MAN1A1: variants seen among roughly 807,000 people sequenced by gnomAD.
MAN1A1 encodes the protein mannosyl-oligosaccharide 1,2-alpha-mannosidase IA.
A neutral mutation model predicts 70.8 loss-of-function variants in MAN1A1; 29 were observed. The ratio of observed to expected loss-of-function variants is 0.41; its 90% CI spans 0.31 to 0.56. The LOEUF is 0.56. MAN1A1 is among the 20% of genes least tolerant of loss of function. The pLI is 0.29. For missense variants in MAN1A1, 747 were observed against 841.3 expected (o/e 0.89, Z 1.39); for synonymous variants, 349 against 330.1 (o/e 1.06, Z -0.62).
At chr6:119,239,292 AC>A (rs1473372120) in intron 6 of MAN1A1, among the ~76,000 whole-genome samples, 2 of 152,260 alleles carry the variant, frequency 1.3e-5, no homozygotes, top group Non-Finnish European at 2.9e-5. Flanking sequence ...GCCTGTACTT[AC>A]GCGCAGCTGC....
At chr6:119,240,602 G>C (rs1026379731) in intron 6 of MAN1A1, among the ~76,000 whole-genome samples, 1 of 152,172 alleles carries the variant, frequency 6.6e-6, no homozygotes, top group Admixed American at 6.5e-5. Flanking sequence ...ATTATGACCA[G>C]AGAAGTGGGA....
intron 6 of MAN1A1, 150 bp from the exon 7 acceptor site, chr6:119,205,032 T>C: frequency 2.6e-6 from 2 of 767,682 alleles, no homozygotes; most frequent in South Asian, 2.4e-5. Flanking sequence ...ACTGTCTTCT[T>C]TGGCTACCAG....
intron 6 of MAN1A1, among the ~76,000 whole-genome samples, chr6:119,243,323 AAATAT>A (rs1432717357): frequency 5.3e-5 from 8 of 152,166 alleles, no homozygotes; most frequent in African/African-American, 1.4e-4. Flanking sequence ...CTTCATTTGA[AAATAT>A]AATATACTTC....
chr6:119,324,412 G>C (rs77480391), intron 2 of MAN1A1, among the ~76,000 whole-genome samples: 1 of 150,148 alleles, frequency 6.7e-6, no homozygotes, highest in African/African-American at 2.5e-5. Flanking sequence ...AGTTAAGTTT[G>C]GGGGGGAATC....
chr6:119,268,000 T>C (rs1775806457), intron 5 of MAN1A1, among the ~76,000 whole-genome samples: 1 of 152,180 alleles, frequency 6.6e-6, no homozygotes. Context: ...ATGTGGAGAC[T>C]TGATGCCTTT....
intron 1 of MAN1A1, 24 bp downstream of exon 1, chr6:119,349,518 G>C (rs2114522154): frequency 2.0e-6 from 2 of 984,912 alleles, no homozygotes; most frequent in Non-Finnish European, 2.4e-6. Flanking sequence ...CAGCGCGCGA[G>C]CACCTCGGGG....
At chr6:119,350,058 G>A (rs1773866018), upstream of MAN1A1, among the ~76,000 whole-genome samples, 2 of 152,168 alleles carry the variant, frequency 1.3e-5, no homozygotes, top group South Asian at 2.1e-4. Context: ...GTTCGGGGTC[G>A]GGGAGTTTAT....
intron 10 of MAN1A1, among the ~76,000 whole-genome samples, chr6:119,189,356 C>T (rs185068671): frequency 6.6e-6 from 1 of 152,270 alleles, no homozygotes; most frequent in Admixed American, 6.5e-5. Context: ...TAATAAAATG[C>T]TAAGTTTCTC....
At chr6:119,181,604 G>T (rs576058351) in intron 11 of MAN1A1, among the ~76,000 whole-genome samples, 4 of 152,134 alleles carry the variant, frequency 2.6e-5, no homozygotes, top group African/African-American at 9.7e-5. Flanking sequence ...GAACATTTAG[G>T]TAACAACCTA....
intron 11 of MAN1A1, among the ~76,000 whole-genome samples, chr6:119,185,549 C>G (rs1773262810): frequency 6.6e-6 from 1 of 151,994 alleles, no homozygotes; most frequent in Admixed American, 6.6e-5. Context: ...GAGAAGCTAA[C>G]ACTGACCATA....
chr6:119,235,261 T>A (rs985707414), intron 6 of MAN1A1, among the ~76,000 whole-genome samples: 1 of 152,196 alleles, frequency 6.6e-6, no homozygotes, highest in African/African-American at 2.4e-5. Flanking sequence ...GGAAGGCATA[T>A]CAAAAGTGAA....
At chr6:119,230,740 C>T (rs1362810085) in intron 6 of MAN1A1, among the ~76,000 whole-genome samples, 3 of 151,792 alleles carry the variant, frequency 2.0e-5, no homozygotes, top group Non-Finnish European at 4.4e-5. Flanking sequence ...CCTGATATTT[C>T]CTGAATATGA....
intron 6 of MAN1A1, among the ~76,000 whole-genome samples, chr6:119,237,563 T>C (rs562831648): frequency 6.6e-6 from 1 of 152,234 alleles, no homozygotes; most frequent in Non-Finnish European, 1.5e-5. Flanking sequence ...CCTCTCCCTC[T>C]CCCTCTCTGG....
intron 4 of MAN1A1, among the ~76,000 whole-genome samples, chr6:119,296,375 C>G (rs970927827): frequency 6.6e-6 from 1 of 152,194 alleles, no homozygotes; most frequent in African/African-American, 2.4e-5. Context: ...AAACCCAAAT[C>G]ATCACTCTTG....
chr6:119,240,216 ACT>A (rs1582726591), intron 6 of MAN1A1, among the ~76,000 whole-genome samples: 1 of 152,022 alleles, frequency 6.6e-6, no homozygotes, highest in East Asian at 1.9e-4. Context: ...GATTTAAGCA[ACT>A]CTCGGGATAA....
intron 6 of MAN1A1, among the ~76,000 whole-genome samples, chr6:119,226,887 T>C (rs1774530968): frequency 6.6e-6 from 1 of 152,000 alleles, no homozygotes; most frequent in African/African-American, 2.4e-5. Flanking sequence ...GCCCAGCTGG[T>C]CTTGAACTCC....
intron 4 of MAN1A1, 73 bp downstream of exon 4, chr6:119,301,915 T>C (rs72966433): frequency 0.32 from 244,307 of 757,266 alleles, 42,523 homozygotes; most frequent in Non-Finnish European, 0.36. Context: ...AATACAATAA[T>C]AGGGCCCACT....
intron 6 of MAN1A1, among the ~76,000 whole-genome samples, chr6:119,213,325 TC>T (rs1342236154): frequency 6.6e-6 from 1 of 152,230 alleles, no homozygotes; most frequent in Non-Finnish European, 1.5e-5. Flanking sequence ...TCATTTTCCT[TC>T]CTTCTGCCTA....
At chr6:119,334,370 A>T (rs1290386495) in intron 2 of MAN1A1, among the ~76,000 whole-genome samples, 1 of 152,202 alleles carries the variant, frequency 6.6e-6, no homozygotes, top group East Asian at 1.9e-4. Flanking sequence ...CTAACATGAA[A>T]TACTTTAAAA....
Sources: gnomAD v4.1 joint callset for allele counts (sites outside exome capture counted in the v4.1 genomes callset) on GRCh38, gnomAD v4.1.1 for gene constraint, MANE v1.5 for transcripts, NCBI Gene and HGNC (gene_info 2026-07-23, HGNC 2026-07-21) for gene names.